Variants in TJP1 observed in about 807,000 individuals in gnomAD.
TJP1 encodes tight junction protein 1.
In TJP1, 43 loss-of-function variants were observed where a neutral mutation model predicts 194.2. The observed-to-expected ratio is 0.22, with a 90% CI of 0.17 to 0.29. The LOEUF is 0.29. Among genes scored for constraint, TJP1 ranks in the 10% least tolerant of loss-of-function variants. The pLI is 1.00. For synonymous variants in TJP1, 801 were observed against 779.0 expected, an observed-to-expected ratio of 1.03 and a Z score of -0.47; for missense variants, 1,971 against 2,185.7, an observed-to-expected ratio of 0.90 and a Z score of 1.96.
chr15:29,917,901 T>C (rs12594438), intron 2 of TJP1, among the ~76,000 whole-genome samples: 24,440 of 152,182 alleles, frequency 0.16, 2,275 homozygotes, highest in East Asian at 0.34. Context: ...TATACTCACA[T>C]TGTTGTGCAA....
intron 2 of TJP1, among the ~76,000 whole-genome samples, chr15:29,940,316 G>A (rs2152282573): frequency 6.6e-6 from 1 of 152,270 alleles, no homozygotes; most frequent in Middle Eastern, 3.4e-3. Flanking sequence ...GTCACAGGTG[G>A]CCCTCCCCTT....
chr15:29,920,831 CTTAA>C (rs2054334080), intron 2 of TJP1, among the ~76,000 whole-genome samples: 3 of 152,140 alleles, frequency 2.0e-5, no homozygotes, highest in Admixed American at 2.0e-4. Flanking sequence ...CAAGGAACAT[CTTAA>C]TTAGATTTAA....
At chr15:29,902,655 C>T (rs1036293939) in intron 2 of TJP1, among the ~76,000 whole-genome samples, 4 of 151,992 alleles carry the variant, frequency 2.6e-5, no homozygotes, top group Non-Finnish European at 5.9e-5. Flanking sequence ...TTTGATCCAA[C>T]GGAAATAAAT....
intron 8 of TJP1, among the ~76,000 whole-genome samples, chr15:29,758,023 C>G (rs1306979508): frequency 6.6e-6 from 1 of 152,194 alleles, no homozygotes; most frequent in Non-Finnish European, 1.5e-5. Context: ...ACCTAATGAA[C>G]AGTAAATGTA....
chr15:29,729,974 T>C (rs1414968800), intron 15 of TJP1, among the ~76,000 whole-genome samples: 2 of 152,092 alleles, frequency 1.3e-5, no homozygotes, highest in Non-Finnish European at 2.9e-5. Context: ...AAGCAGGGCA[T>C]AAACAAGCAA....
intron 8 of TJP1, among the ~76,000 whole-genome samples, chr15:29,749,340 C>G (rs981089863): frequency 2.0e-5 from 3 of 152,176 alleles, no homozygotes; most frequent in Middle Eastern, 3.4e-3. Context: ...TAGGTCTTAC[C>G]CAATCAAATG....
intron 8 of TJP1, among the ~76,000 whole-genome samples, chr15:29,746,976 A>T (rs1188986990): frequency 6.6e-6 from 1 of 151,820 alleles, no homozygotes; most frequent in Non-Finnish European, 1.5e-5. Flanking sequence ...AAATTGGAAA[A>T]GATTGGCCGG....
intron 2 of TJP1, among the ~76,000 whole-genome samples, chr15:29,895,424 C>G (rs2053446243): frequency 6.6e-6 from 1 of 152,132 alleles, no homozygotes; most frequent in Non-Finnish European, 1.5e-5. Context: ...ATGTGAGGAC[C>G]CAAACACAAC....
chr15:29,844,175 C>T (rs1170071651), intron 2 of TJP1, among the ~76,000 whole-genome samples: 1 of 152,088 alleles, frequency 6.6e-6, no homozygotes, highest in African/African-American at 2.4e-5. Context: ...GGTTGAAGCG[C>T]TTCTCCTGCC....
intron 2 of TJP1, among the ~76,000 whole-genome samples, chr15:29,907,534 C>T (rs868096664): frequency 4.6e-5 from 7 of 152,244 alleles, no homozygotes; most frequent in Middle Eastern, 3.4e-3. Flanking sequence ...TGCACAATTT[C>T]GGAGGTTTGT....
At chr15:29,731,911 T>C (rs2043688984) in intron 15 of TJP1, among the ~76,000 whole-genome samples, 1 of 152,220 alleles carries the variant, frequency 6.6e-6, no homozygotes, top group African/African-American at 2.4e-5. Context: ...ATTATAAATG[T>C]CTGCAATAAC....
At chr15:29,962,968 C>T (rs1223300108) in intron 1 of TJP1, among the ~76,000 whole-genome samples, 4 of 152,050 alleles carry the variant, frequency 2.6e-5, no homozygotes, top group South Asian at 2.1e-4. Context: ...GGTGAAACCC[C>T]GTCTCTACTA....
intron 1 of TJP1, chr15:29,968,612 C>G (rs1188262840): frequency 1.0e-6 from 1 of 963,314 alleles, no homozygotes; most frequent in South Asian, 4.5e-5. Flanking sequence ...CTCCGGCCCC[C>G]GCCCCGCTCC....
intron 2 of TJP1, among the ~76,000 whole-genome samples, chr15:29,939,778 C>T (rs58125940): frequency 0.037 from 5,704 of 152,212 alleles, 377 homozygotes; most frequent in African/African-American, 0.13. Context: ...CCTAAGAGAG[C>T]TTGTTTGCCC....
Position 29,761,247 on chromosome 15 carries a change from C to A in TJP1, c.902G>T (p.Gly301Val), listed in dbSNP as rs1223205097. Reference protein sequence around the residue: ...EIQSLASDHSGRSHDRPPRRS... With the variant: ...EIQSLASDHSVRSHDRPPRRS... Reference sequence around the variant, plus strand: ...GCGGGGAGGCCTATCGTGTGATCGACCAGAATGATCTGATGCCAGTGACTG... The same window carrying A: ...GCGGGGAGGCCTATCGTGTGATCGAACAGAATGATCTGATGCCAGTGACTG... The change falls in exon 8 of 28, where the codon GGT (glycine) becomes GTT (valine). Residue 301 changes from glycine to valine, a missense_variant. This residue lies in a region of TJP1 where 192 missense variants were observed against 182.3 expected (regional missense o/e 1.05). Transcript: ENST00000614355. 1.2e-6 allele frequency: 2 copies of A among 1,613,832 alleles called. No individual in the cohort carries two copies. The highest frequency in any genetic ancestry group is 2.7e-5 in the African/African-American group (2 of 74,850).
At chr15:29,926,061 A>T (rs2152261236) in intron 2 of TJP1, among the ~76,000 whole-genome samples, 1 of 152,226 alleles carries the variant, frequency 6.6e-6, no homozygotes, top group Admixed American at 6.5e-5. Flanking sequence ...CCATGCCAGG[A>T]CCCACACTCC....
intron 1 of TJP1, among the ~76,000 whole-genome samples, chr15:29,818,315 A>G (rs905988767): frequency 2.6e-5 from 4 of 152,218 alleles, no homozygotes; most frequent in African/African-American, 9.7e-5. Flanking sequence ...TCTGTGATTC[A>G]ACCAATGAAA....
At chr15:29,829,266 G>A (rs1263366194) in intron 2 of TJP1, among the ~76,000 whole-genome samples, 1 of 152,110 alleles carries the variant, frequency 6.6e-6, no homozygotes, top group Non-Finnish European at 1.5e-5. Flanking sequence ...ATCAAGTTCT[G>A]CCTGTTTTAA....
chr15:29,794,871 A>C (rs2048306460), intron 2 of TJP1, among the ~76,000 whole-genome samples: 1 of 152,228 alleles, frequency 6.6e-6, no homozygotes. Context: ...TATTAAAATA[A>C]GAGCAGAAAT....
Sources: allele counts gnomAD v4.1 joint callset (sites outside exome capture counted in the v4.1 genomes callset), GRCh38; gene constraint gnomAD v4.1.1; regional missense constraint gnomAD v4.1.1; transcripts MANE v1.5; gene names NCBI Gene and HGNC (gene_info 2026-07-23, HGNC 2026-07-21).